Variants in CATSPERZ observed in about 807,000 individuals in gnomAD.
CATSPERZ encodes cation channel sperm-associated auxiliary subunit zeta.
Under a neutral mutation model 21.7 loss-of-function variants are expected in CATSPERZ, and 21 were observed. That is an observed-to-expected ratio of 0.97 (90% CI 0.69 to 1.39). The LOEUF (loss-of-function observed/expected upper bound fraction) is 1.39, where lower values mean the gene tolerates loss of function less well. CATSPERZ is among the 40% of genes most tolerant of loss of function. CATSPERZ has a pLI of 0.00. For synonymous variants in CATSPERZ, 127 were observed against 108.7 expected (o/e 1.17, Z -1.05); for missense variants, 234 against 259.5 (o/e 0.90, Z 0.68).
Position 64,303,779 on chromosome 11 carries a change from C to T in CATSPERZ, c.439C>T (p.Leu147=), listed in dbSNP as rs2034967805. 7 of 1,600,008 alleles carry T rather than the reference C, an allele frequency of 4.4e-6. No individual in the cohort carries two copies. The highest frequency in any genetic ancestry group is 6.0e-6 in the Non-Finnish European group (7 of 1,173,562). The change falls in exon 4 of 5, where the codon CTG becomes TTG. Residue 147 remains leucine, a synonymous_variant. Coordinates refer to ENST00000328404, the MANE Select transcript of CATSPERZ (RefSeq NM_001039496.2). ...CCTCTTGCTGCTTCTCCAGCTGCCA[C>T]TGCCCCTGATGGAACTCATGGAGAA... is the stretch of plus-strand genomic sequence containing the variant. The part of the protein sequence containing the change: ...YWAEQQSRLP[L]PLMELMENEA...
intron 2 of CATSPERZ, among the ~76,000 whole-genome samples, chr11:64,302,711 T>G (rs1181652318): frequency 6.6e-6 from 1 of 151,938 alleles, no homozygotes; most frequent in Non-Finnish European, 1.5e-5. Context: ...TAGCTGGGAT[T>G]ACAGGTGCCT....
intron 4 of CATSPERZ, 90 bp from the exon 5 acceptor site, chr11:64,304,453 G>A: frequency 1.1e-6 from 1 of 947,128 alleles, no homozygotes; most frequent in East Asian, 2.6e-5. Context: ...CGAATCATCT[G>A]CGGTTCCTCG....
rs749296190 is a variant in CATSPERZ at position 64,300,814 on chromosome 11, G to A, written c.179G>A (p.Ser60Asn). 4 of 1,559,366 alleles carry A rather than the reference G, an allele frequency of 2.6e-6. No homozygotes were observed. The African/African-American group carries it at 4.1e-5, about 16-fold the overall frequency. Residue 60 changes from serine (S) to asparagine (N), a missense_variant, in exon 2 of 5, where the codon AGC becomes AAC. Coordinates refer to ENST00000328404, the MANE Select transcript of CATSPERZ (RefSeq NM_001039496.2). Reference sequence around the variant, plus strand: ...TTCGACGAGGAGGGCCGCAACATTAGCAAGACCCGCGGGTGGCACAGCCCG... The same window carrying A: ...TTCGACGAGGAGGGCCGCAACATTAACAAGACCCGCGGGTGGCACAGCCCG... ...EGFDEEGRNISKTRGWHSPGR... is the reference protein window; with the variant it reads ...EGFDEEGRNINKTRGWHSPGR...
intron 1 of CATSPERZ, 25 bp from the exon 2 acceptor site, chr11:64,300,632 C>A: frequency 6.6e-7 from 1 of 1,520,006 alleles, no homozygotes; most frequent in Non-Finnish European, 8.9e-7. Context: ...CGACCCTTGG[C>A]TCCCTCCTTG....
rs1271151860 is a variant in CATSPERZ, at chr11:64,304,625, C to G, written c.582C>G (p.Ser194Arg). 9.5e-6 allele frequency: 15 copies of G among 1,576,584 alleles called. No homozygotes were observed. The highest frequency in any genetic ancestry group is 1.3e-5 in the Non-Finnish European group (15 of 1,161,974). ...TCGAAGGGCTCAAGAAGCGCCGGAG[C>G]AAGAGGCTGTACGTGAATTAAAAAC... ...RYIEGLKKRR[S>R]KRLYVN is the part of the protein sequence containing the mutation. The change falls in exon 5 of 5, where the codon AGC (serine) becomes AGG (arginine). Residue 194 changes from serine to arginine, a missense_variant. Ser to Arg is a moderately radical substitution (Grantham distance 110). Transcript: ENST00000328404.
chr11:64,302,691 G>A (rs1450935143), intron 2 of CATSPERZ, among the ~76,000 whole-genome samples: 1 of 152,144 alleles, frequency 6.6e-6, no homozygotes, highest in African/African-American at 2.4e-5. Context: ...TCCTGCCTCA[G>A]CCTCCTGAGT....
At chr11:64,303,640 G>A (rs2034964172) in intron 3 of CATSPERZ, 79 bp downstream of exon 3, 2 of 1,499,194 alleles carry the variant, frequency 1.3e-6, no homozygotes, top group East Asian at 2.4e-5. Flanking sequence ...TATGAAAGTT[G>A]GGGGTGGTTG....
At chr11:64,301,401 CTTTTTTTTT>C (rs139500689) in intron 2 of CATSPERZ, among the ~76,000 whole-genome samples, 1 of 99,552 alleles carries the variant, frequency 1.0e-5, no homozygotes, top group African/African-American at 4.2e-5. Flanking sequence ...CCGCCTCCCA[CTTTTTTTTT>C]TTTTTTTTTT....
At chr11:64,301,773 C>T (rs2034931411) in intron 2 of CATSPERZ, among the ~76,000 whole-genome samples, 1 of 151,924 alleles carries the variant, frequency 6.6e-6, no homozygotes, top group South Asian at 2.1e-4. Context: ...CTCAAGGTAT[C>T]CTCCAACCTC....
chr11:64,300,735 A>T lies in CATSPERZ; in HGVS notation c.100A>T (p.Thr34Ser), dbSNP rs1470854791. 1 of 1,551,674 alleles carries T rather than the reference A, an allele frequency of 6.4e-7. No homozygotes were observed. The highest frequency in any genetic ancestry group is 1.4e-5 in the African/African-American group (1 of 73,200). ...CGACACTCGGGACCTGTGGACCACG[A>T]CCACGCTGTCCCAGGCACAGCTGAA... ...HSDTRDLWTT[T>S]TLSQAQLNMP... The change falls in exon 2 of 5, where the codon ACC becomes TCC. Residue 34 changes from threonine (T) to serine (S), a missense_variant. By Grantham distance (58) the Thr-to-Ser change is moderately conservative. Transcript: ENST00000328404.
chr11:64,301,071 G>T, intron 2 of CATSPERZ, 84 bp downstream of exon 2: 1 of 1,239,192 alleles, frequency 8.1e-7, no homozygotes, highest in Non-Finnish European at 1.1e-6. Context: ...TAAAATGGGG[G>T]GAAGCTGATG....
At position 64,301,005 on chromosome 11, in the gene CATSPERZ, A is replaced by C. The variant is rs770243190; in HGVS notation, c.352+18A>C. 6.0e-6 allele frequency: 9 copies of C among 1,500,238 alleles called. No individual in the cohort carries two copies. Among genetic ancestry groups the C allele is most frequent in the African/African-American group, 1.4e-5 (1 of 72,248 alleles). The allele number at this position is 1,500,238 out of a possible 1,614,324, so 92.9% of individuals were successfully genotyped here. On this transcript the variant is annotated intron_variant, in intron 2 of 4. Coordinates refer to ENST00000328404, the MANE Select transcript of CATSPERZ (RefSeq NM_001039496.2). ...CGAGGCCGGTCAGTGTGGCCTCGCC[A>C]GGCCGTGGGCACCCGCAGGGCAATA... is the stretch of plus-strand genomic sequence containing the variant.
intron 2 of CATSPERZ, among the ~76,000 whole-genome samples, chr11:64,302,180 C>T (rs1034105043): frequency 2.6e-5 from 4 of 152,280 alleles, no homozygotes; most frequent in Non-Finnish European, 5.9e-5. Context: ...ACAATGGTTA[C>T]ATATTGAGCA....
At chr11:64,303,698 G>A (rs2034965621) in intron 3 of CATSPERZ, 75 bp from the exon 4 acceptor site, 4 of 1,520,656 alleles carry the variant, frequency 2.6e-6, no homozygotes, top group Non-Finnish European at 3.6e-6. Flanking sequence ...GGGGCCACAG[G>A]GAGGAGGTGG....
At chr11:64,301,253 C>G (rs1316781963) in intron 2 of CATSPERZ, among the ~76,000 whole-genome samples, 1 of 152,196 alleles carries the variant, frequency 6.6e-6, no homozygotes, top group East Asian at 1.9e-4. Context: ...CGCAAAGACC[C>G]CGTGGTAGGA....
chr11:64,304,426 C>A, intron 4 of CATSPERZ, 117 bp from the exon 5 acceptor site: 1 of 728,642 alleles, frequency 1.4e-6, no homozygotes, highest in South Asian at 1.8e-5. Flanking sequence ...CCTGAGTGCC[C>A]TGCGCTACTG....
chr11:64,301,401 CTT>C (rs139500689), intron 2 of CATSPERZ, among the ~76,000 whole-genome samples: 344 of 99,528 alleles, frequency 3.5e-3, no homozygotes, highest in African/African-American at 0.013. Flanking sequence ...CCGCCTCCCA[CTT>C]TTTTTTTTTT....
Position 64,300,720 on chromosome 11 carries a change from G to A in CATSPERZ, c.85G>A (p.Asp29Asn), listed in dbSNP as rs912057343. 40 of 1,551,006 alleles carry A rather than the reference G, an allele frequency of 2.6e-5. No individual in the cohort carries two copies. The highest frequency in any genetic ancestry group is 3.2e-5 in the Non-Finnish European group (37 of 1,147,236). ...DEESVHSDTR[D>N]LWTTTTLSQA... is the part of the protein sequence containing the mutation. ...GGAGAGCGTGCATAGCGACACTCGG[G>A]ACCTGTGGACCACGACCACGCTGTC... Residue 29 changes from aspartate (D) to asparagine (N), a missense_variant, in exon 2 of 5, where the codon GAC becomes AAC. By Grantham distance (23) the Asp-to-Asn change is conservative (BLOSUM62 1). Transcript: ENST00000328404.
chr11:64,303,656 G>A (rs1429572226), intron 3 of CATSPERZ, 95 bp downstream of exon 3: 31 of 1,473,774 alleles, frequency 2.1e-5, no homozygotes, highest in Middle Eastern at 1.9e-4. Flanking sequence ...GGTTGGCAGG[G>A]TGGAGGGGCA....
Sources: gnomAD v4.1 joint callset for allele counts (sites outside exome capture counted in the v4.1 genomes callset) on GRCh38, gnomAD v4.1.1 for gene constraint, MANE v1.5 for transcripts, NCBI Gene and HGNC (gene_info 2026-07-23, HGNC 2026-07-21) for gene names.